Variants in SRGAP2 observed in about 807,000 individuals in gnomAD.
SRGAP2 encodes the protein SLIT-ROBO Rho GTPase-activating protein 2.
In SRGAP2, 15 loss-of-function variants were observed where a neutral mutation model predicts 57.2. That is an observed-to-expected ratio of 0.26 (90% CI 0.18 to 0.40). The LOEUF is 0.40. Ranked by LOEUF, SRGAP2 falls within the 10% of genes least tolerant of loss-of-function variation. The pLI, the probability that SRGAP2 is intolerant of heterozygous loss-of-function variation, is 1.00. For synonymous variants in SRGAP2, 249 were observed against 248.0 expected, an observed-to-expected ratio of 1.00 and a Z score of -0.04; for missense variants, 520 against 669.6, an observed-to-expected ratio of 0.78 and a Z score of 2.47.
intron 13 of SRGAP2, among the ~76,000 whole-genome samples, chr1:206,421,792 A>G (rs1026405966): frequency 5.3e-5 from 8 of 152,240 alleles, no homozygotes; most frequent in Non-Finnish European, 1.2e-4. Flanking sequence ...CAACTCTGCA[A>G]TTTGGTGCAT....
At chr1:206,306,471 G>A (rs1358426861) in intron 3 of SRGAP2, among the ~76,000 whole-genome samples, 3,988 of 152,234 alleles carry the variant, frequency 0.026, 170 homozygotes, top group African/African-American at 0.091. Context: ...CATAAAAGCA[G>A]CGTGGACCCA....
At chr1:206,322,155 CAT>C (rs1229007080) in intron 3 of SRGAP2, among the ~76,000 whole-genome samples, 8 of 150,838 alleles carry the variant, frequency 5.3e-5, no homozygotes, top group Admixed American at 4.0e-4. Context: ...TCCAATACCA[CAT>C]GTTTTATTTA....
Position 206,303,345 on chromosome 1 carries a change from A to G in SRGAP2, c.132A>G (p.Gln44=). Residue 44 remains glutamine (Q), a synonymous_variant, in exon 3 of 23, where the codon CAA becomes CAG. Transcript: ENST00000573034. ...CLDQQCELRV[Q]LLQDLQDFFR... is the part of the protein sequence containing the mutation. ...ACCAGCAGTGTGAGCTTCGGGTGCA[A>G]CTGTTGCAGGACCTCCAGGACTTCT... is the stretch of plus-strand genomic sequence containing the variant. 1.4e-6 allele frequency: 2 copies of G among 1,469,662 alleles called. No individual in the cohort carries two copies. Among genetic ancestry groups the G allele is most frequent in the Non-Finnish European group, 1.8e-6 (2 of 1,087,534 alleles). 91.0% of individuals were successfully genotyped at this position (1,469,662 alleles called of 1,614,324 possible).
In SRGAP2 at chr1:206,463,374, C is replaced by T. The variant is rs1553381689; in HGVS notation, c.*1954C>T. 3 of 152,536 alleles carry T rather than the reference C, an allele frequency of 2.0e-5. No homozygotes were observed. The highest frequency in any genetic ancestry group is 2.4e-5 in the African/African-American group (1 of 41,404). 9.4% of individuals were successfully genotyped at this position (152,536 alleles called of 1,614,324 possible). ...CTGTCACCTGGGCCTACACAGGTCCCAAGCCAACGGGGCTTTCATACCCAA... is the reference window on the plus strand; with the variant it reads ...CTGTCACCTGGGCCTACACAGGTCCTAAGCCAACGGGGCTTTCATACCCAA... On this transcript the variant is annotated 3_prime_UTR_variant, in exon 23 of 23. Transcript: ENST00000573034.
chr1:206,322,479 C>T (rs1374452824), intron 3 of SRGAP2, among the ~76,000 whole-genome samples: 1 of 150,926 alleles, frequency 6.6e-6, no homozygotes, highest in Admixed American at 6.6e-5. Context: ...ACTGGGGAGG[C>T]TGAGGCAGGA....
At chr1:206,438,251 C>T (rs531262650) in intron 16 of SRGAP2, among the ~76,000 whole-genome samples, 153 bp downstream of exon 16, 1 of 152,298 alleles carries the variant, frequency 6.6e-6, no homozygotes, top group East Asian at 1.9e-4. Flanking sequence ...ACTCCTTCAT[C>T]CCCTGGTGGG....
At chr1:206,210,858 A>G (rs1489894544) in intron 2 of SRGAP2, among the ~76,000 whole-genome samples, 4 of 151,294 alleles carry the variant, frequency 2.6e-5, no homozygotes, top group Admixed American at 1.3e-4. Flanking sequence ...TTTTCCTGCA[A>G]GATGATTGAG....
At chr1:206,414,071 G>A (rs1318905279) in intron 10 of SRGAP2, among the ~76,000 whole-genome samples, 14 of 139,210 alleles carry the variant, frequency 1.0e-4, no homozygotes, top group African/African-American at 2.5e-4. Context: ...TTGCTCTGTC[G>A]CTCAGGCTGG....
At chr1:206,239,027 A>C (rs1227856523) in intron 2 of SRGAP2, among the ~76,000 whole-genome samples, 1 of 152,184 alleles carries the variant, frequency 6.6e-6, no homozygotes, top group Non-Finnish European at 1.5e-5. Context: ...TTTCTAGCTG[A>C]GGTGTGAGGT....
At chr1:206,322,301 C>T (rs1553327855) in intron 3 of SRGAP2, among the ~76,000 whole-genome samples, 2 of 145,822 alleles carry the variant, frequency 1.4e-5, no homozygotes, top group Non-Finnish European at 3.0e-5. Context: ...AGGCCGGGCG[C>T]GATGGCTCAC....
At chr1:206,229,921 T>TAC (rs1667516835) in intron 2 of SRGAP2, among the ~76,000 whole-genome samples, 2 of 119,504 alleles carry the variant, frequency 1.7e-5, no homozygotes, top group African/African-American at 7.4e-5. Context: ...GATATATATG[T>TAC]ACACATACAT....
chr1:206,455,755 C>G (rs1663775323), intron 21 of SRGAP2: 1 of 152,398 alleles, frequency 6.6e-6, no homozygotes, highest in Non-Finnish European at 1.5e-5. Context: ...TCAGCAGGCT[C>G]TTACCTCTGA....
intron 5 of SRGAP2, among the ~76,000 whole-genome samples, chr1:206,384,466 C>CGA (rs1656003706): frequency 6.6e-6 from 1 of 151,010 alleles, no homozygotes; most frequent in Admixed American, 6.6e-5. Flanking sequence ...CTTTATTGTT[C>CGA]TAGGTTTTTC....
At chr1:206,412,309 G>T (rs1659290046) in intron 10 of SRGAP2, among the ~76,000 whole-genome samples, 1 of 152,190 alleles carries the variant, frequency 6.6e-6, no homozygotes, top group South Asian at 2.1e-4. Flanking sequence ...TAAACAAAAT[G>T]CCCAATAGAC....
chr1:206,435,494 A>G (rs1661647459), intron 14 of SRGAP2, among the ~76,000 whole-genome samples: 2 of 152,206 alleles, frequency 1.3e-5, no homozygotes, highest in African/African-American at 4.8e-5. Context: ...TGGGGCTGGC[A>G]CTGATGACAC....
chr1:206,430,483 T>C (rs1225112363), intron 14 of SRGAP2, among the ~76,000 whole-genome samples: 2 of 152,220 alleles, frequency 1.3e-5, no homozygotes, highest in Non-Finnish European at 2.9e-5. Context: ...AAGTTTGAAA[T>C]TGCAGCTGTT....
intron 2 of SRGAP2, among the ~76,000 whole-genome samples, chr1:206,241,198 A>G (rs1256189341): frequency 1.3e-5 from 2 of 152,206 alleles, no homozygotes; most frequent in African/African-American, 4.8e-5. Flanking sequence ...ACAAGCTAAC[A>G]AAAAACCCCC....
chr1:206,446,015 G>T, intron 17 of SRGAP2, 60 bp from the exon 18 acceptor site: 3 of 763,924 alleles, frequency 3.9e-6, no homozygotes, highest in Admixed American at 1.7e-5. Context: ...TCCTGTGATT[G>T]TGTTTTCTGG....
intron 4 of SRGAP2, among the ~76,000 whole-genome samples, chr1:206,360,633 C>G (rs1676837595): frequency 6.6e-6 from 1 of 152,128 alleles, no homozygotes; most frequent in South Asian, 2.1e-4. Flanking sequence ...GGATTTGCTG[C>G]TTGATTGATA....
Sources: allele counts gnomAD v4.1 joint callset (sites outside exome capture counted in the v4.1 genomes callset), GRCh38; gene constraint gnomAD v4.1.1; transcripts MANE v1.5; gene names NCBI Gene and HGNC (gene_info 2026-07-23, HGNC 2026-07-21).